CDK12: variants seen among roughly 807,000 people sequenced by gnomAD.
The protein encoded by CDK12 is cyclin dependent kinase 12, also known as cyclin-dependent kinase 12.
A neutral mutation model predicts 133.8 loss-of-function variants in CDK12; 17 were observed. The observed-to-expected ratio is 0.13, with a 90% confidence interval of 0.09 to 0.19. CDK12 has a LOEUF of 0.19. CDK12 is among the 10% of genes least tolerant of loss of function. The pLI, the probability that CDK12 is intolerant of heterozygous loss-of-function variation, is 1.00. For synonymous variants in CDK12, 694 were observed against 683.6 expected, an observed-to-expected ratio of 1.02 and a Z score of -0.24; for missense variants, 1,508 against 1,818.7, an observed-to-expected ratio of 0.83 and a Z score of 3.11.
intron 3 of CDK12, among the ~76,000 whole-genome samples, chr17:39,560,607 T>C (rs2144569544): frequency 6.6e-6 from 1 of 152,282 alleles, no homozygotes. Flanking sequence ...TTCACTAAGG[T>C]TGCTGAAAAG....
At position 39,462,770 on chromosome 17, in the gene CDK12, AGAT is replaced by A; in HGVS notation, c.703_705del (p.Asp235del). The A allele has an allele frequency of 6.2e-7, 1 of 1,614,238 alleles. No individual in the cohort carries two copies. Among genetic ancestry groups the A allele is most frequent in the Non-Finnish European group, 8.5e-7 (1 of 1,180,036 alleles). The stretch of plus-strand genomic sequence containing the variant: ...GGAAGTGGTCTGACAGCTCCAAACA[AGAT>A]GATAGCCCCTCGGGAGCTTCTTATG... On this transcript the variant is annotated inframe_deletion, in exon 1 of 14. Coordinates refer to ENST00000447079, the MANE Select transcript of CDK12 (RefSeq NM_016507.4).
intron 3 of CDK12, among the ~76,000 whole-genome samples, chr17:39,492,491 T>A (rs2051712070): frequency 1.3e-5 from 2 of 150,960 alleles, no homozygotes; most frequent in African/African-American, 4.9e-5. Flanking sequence ...CACTGCAAGT[T>A]CTGCCTCCCA....
At chr17:39,501,778 C>A (rs1567743989) in intron 6 of CDK12, among the ~76,000 whole-genome samples, 1 of 151,512 alleles carries the variant, frequency 6.6e-6, no homozygotes, top group Non-Finnish European at 1.5e-5. Flanking sequence ...TTGCTTTCTT[C>A]TTTTCTGTTT....
At chr17:39,479,507 T>G (rs1375029318) in intron 2 of CDK12, among the ~76,000 whole-genome samples, 1 of 152,102 alleles carries the variant, frequency 6.6e-6, no homozygotes, top group Non-Finnish European at 1.5e-5. Flanking sequence ...AAACTTCTAA[T>G]GGAGCCAGGA....
At chr17:39,522,768 T>G (rs867642443) in intron 11 of CDK12, among the ~76,000 whole-genome samples, 5 of 152,138 alleles carry the variant, frequency 3.3e-5, no homozygotes, top group African/African-American at 4.8e-5. Context: ...AATAAGATCT[T>G]TCGGTCGAGC....
chr17:39,520,221 GT>G, intron 11 of CDK12, 134 bp downstream of exon 11: 26 of 819,520 alleles, frequency 3.2e-5, no homozygotes, highest in South Asian at 4.3e-5. Flanking sequence ...GTTGAGGTTT[GT>G]TTTTTTTGTT....
At chr17:39,558,761 A>T (rs2056256055) in intron 3 of CDK12, among the ~76,000 whole-genome samples, 1 of 152,164 alleles carries the variant, frequency 6.6e-6, no homozygotes, top group South Asian at 2.1e-4. Context: ...CTCCTGCCTC[A>T]GCCTCCCACG....
chr17:39,554,075 C>A (rs1333012136), intron 2 of CDK12, among the ~76,000 whole-genome samples: 1 of 152,154 alleles, frequency 6.6e-6, no homozygotes, highest in Non-Finnish European at 1.5e-5. Flanking sequence ...ACAGGAGGTA[C>A]GGGGCATCCA....
chr17:39,513,491 C>G (rs1475144801), intron 8 of CDK12, among the ~76,000 whole-genome samples: 1 of 152,128 alleles, frequency 6.6e-6, no homozygotes, highest in African/African-American at 2.4e-5. Flanking sequence ...GGACAATTTG[C>G]TTTAACAGTA....
In CDK12 at chr17:39,492,701, G is replaced by T. The variant is rs112834725; in HGVS notation, c.2109-50G>T. 62 of 1,514,922 alleles carry T rather than the reference G, an allele frequency of 4.1e-5. 1 individual carries two copies. The African/African-American group carries it at 5.1e-4, about 13-fold the overall frequency. The allele number at this position is 1,514,922 out of a possible 1,614,324, so 93.8% of individuals were successfully genotyped here. On this transcript the variant is annotated intron_variant, in intron 3 of 13. Transcript: ENST00000447079. ...TGGGATTACAGGCATGAGCCACCGC[G>T]CCCGGCCTTCATTTTCTTAAATAAC...
At chr17:39,509,318 G>A (rs12937013) in intron 6 of CDK12, among the ~76,000 whole-genome samples, 119,900 of 152,158 alleles carry the variant, frequency 0.79, 47,753 homozygotes, top group South Asian at 0.92. Flanking sequence ...TCAATCTAGA[G>A]CAAATCATTT....
upstream of CDK12, among the ~76,000 whole-genome samples, chr17:39,548,085 G>A (rs1464540847): frequency 6.6e-6 from 1 of 152,166 alleles, no homozygotes; most frequent in South Asian, 2.1e-4. Context: ...TGCAGTCATG[G>A]TTTCTGCCAC....
At chr17:39,494,844 A>AC in intron 5 of CDK12, 150 bp downstream of exon 5, 1 of 604,210 alleles carries the variant, frequency 1.7e-6, no homozygotes, top group Non-Finnish European at 2.8e-6. Context: ...ATTTCAGGTC[A>AC]CTGCAAGCTC....
At chr17:39,516,918 C>G (rs2053849778) in intron 9 of CDK12, among the ~76,000 whole-genome samples, 1 of 152,256 alleles carries the variant, frequency 6.6e-6, no homozygotes, top group East Asian at 1.9e-4. Context: ...CCACCTCGGC[C>G]TCCCAAAGTG....
At chr17:39,481,663 T>C (rs1208309990) in intron 2 of CDK12, among the ~76,000 whole-genome samples, 124 of 13,888 alleles carry the variant, frequency 8.9e-3, no homozygotes, top group African/African-American at 0.019. Flanking sequence ...TCTCTCTCTC[T>C]CTCTCTCTCT....
At chr17:39,496,010 C>G (rs1402421508) in intron 5 of CDK12, among the ~76,000 whole-genome samples, 1 of 151,736 alleles carries the variant, frequency 6.6e-6, no homozygotes, top group Non-Finnish European at 1.5e-5. Context: ...CTCCCAGGTT[C>G]AAGCAATTCT....
chr17:39,555,886 A>C (rs545442164), intron 2 of CDK12, among the ~76,000 whole-genome samples: 59 of 120,814 alleles, frequency 4.9e-4, no homozygotes, highest in African/African-American at 1.9e-3. Context: ...CACACACACA[A>C]AGCCAGGTGT....
chr17:39,502,197 G>A (rs1023608368), intron 6 of CDK12, among the ~76,000 whole-genome samples: 1 of 151,668 alleles, frequency 6.6e-6, no homozygotes, highest in South Asian at 2.1e-4. Flanking sequence ...CTGTCGCCCA[G>A]GCTGGAGTGC....
At chr17:39,561,775 T>C (rs1456953321) in intron 3 of CDK12, among the ~76,000 whole-genome samples, 2 of 152,024 alleles carry the variant, frequency 1.3e-5, no homozygotes, top group East Asian at 1.9e-4. Flanking sequence ...CCCACTCACT[T>C]ACAGCTGCAG....
Sources: gnomAD v4.1 joint callset for allele counts (sites outside exome capture counted in the v4.1 genomes callset) on GRCh38, gnomAD v4.1.1 for gene constraint, MANE v1.5 for transcripts, NCBI Gene and HGNC (gene_info 2026-07-23, HGNC 2026-07-21) for gene names.